Variants in LRSAM1 observed in about 807,000 individuals in gnomAD.
LRSAM1 encodes the protein leucine rich repeat and sterile alpha motif containing 1.
A neutral mutation model predicts 118.1 loss-of-function variants in LRSAM1; 96 were observed. The ratio of observed to expected loss-of-function variants is 0.81; its 90% CI spans 0.69 to 0.96. The LOEUF (loss-of-function observed/expected upper bound fraction) is 0.96, where lower values mean the gene tolerates loss of function less well. LRSAM1 is among the 40% of genes least tolerant of loss of function. LRSAM1 has a pLI of 0.00. For missense variants in LRSAM1, 804 were observed against 915.5 expected (o/e 0.88, Z 1.57); for synonymous variants, 322 against 364.2 (o/e 0.88, Z 1.32).
At chr9:127,487,887 C>A in intron 18 of LRSAM1, 124 bp downstream of exon 18, 8 of 708,672 alleles carry the variant, frequency 1.1e-5, no homozygotes, top group Non-Finnish European at 1.6e-5. Context: ...GGTTTGTGAC[C>A]ATAGAGGTGT....
chr9:127,467,644 A>C, intron 9 of LRSAM1, 96 bp from the exon 10 acceptor site: 15 of 1,143,796 alleles, frequency 1.3e-5, no homozygotes, highest in Non-Finnish European at 1.9e-5. Context: ...CCTGCTGGGT[A>C]GAGGTGACAG....
intron 9 of LRSAM1, among the ~76,000 whole-genome samples, chr9:127,466,499 TATATA>T (rs1226374630): frequency 0.04 from 908 of 22,760 alleles, 9 homozygotes; most frequent in African/African-American, 0.062. Flanking sequence ...TATATATATA[TATATA>T]TTTTTTTTTT....
At position 127,496,046 on chromosome 9, in the gene LRSAM1, G is replaced by A. The variant is rs537838691; in HGVS notation, c.1781G>A (p.Arg594His). 44 of 1,612,268 alleles carry A rather than the reference G, an allele frequency of 2.7e-5. No individual in the cohort carries two copies. The highest frequency in any genetic ancestry group is 1.0e-4 in the Admixed American group (6 of 60,018). Reference sequence around the variant, plus strand: ...TACCTGCCCATCTTTGCGCACCACCGCCTCTCACTGGACCTGCTGAGCCAA... The same window carrying A: ...TACCTGCCCATCTTTGCGCACCACCACCTCTCACTGGACCTGCTGAGCCAA... The part of the protein sequence containing the change: ...EHYLPIFAHH[R>H]LSLDLLSQMS... Residue 594 changes from arginine to histidine, a missense_variant, in exon 23 of 26, where the codon CGC (arginine) becomes CAC (histidine). Physicochemically the swap from Arg to His is conservative, Grantham distance 29. Coordinates refer to ENST00000300417, the MANE Select transcript of LRSAM1 (RefSeq NM_001005373.4).
At chr9:127,492,962 T>A (rs187576746) in intron 21 of LRSAM1, 65 bp downstream of exon 21, 1 of 1,367,048 alleles carries the variant, frequency 7.3e-7, no homozygotes, top group African/African-American at 1.4e-5. Context: ...AGACTTGCCA[T>A]TTTTAGAAAC....
In LRSAM1 at chr9:127,467,802, T is replaced by C. The variant is rs1835016338; in HGVS notation, c.591T>C (p.Thr197=). 6.2e-7 allele frequency: 1 copy of C among 1,606,554 alleles called. No homozygotes were observed. The highest frequency in any genetic ancestry group is 2.2e-5 in the East Asian group (1 of 44,696). The change falls in exon 10 of 26, where the codon ACT becomes ACC. Residue 197 remains threonine, a synonymous_variant. Coordinates refer to ENST00000300417, the MANE Select transcript of LRSAM1 (RefSeq NM_001005373.4). ...CGCGGGAGGTGTGTGGTGCCGGCACTGCGGCCATCTTGCAGTTCCTCTGCA... is the reference window on the plus strand; with the variant it reads ...CGCGGGAGGTGTGTGGTGCCGGCACCGCGGCCATCTTGCAGTTCCTCTGCA... ...YPPREVCGAG[T]AAILQFLCKE...
chr9:127,479,728 A>C, intron 13 of LRSAM1, 111 bp from the exon 14 acceptor site: 1 of 1,478,684 alleles, frequency 6.8e-7, no homozygotes, highest in Non-Finnish European at 9.2e-7. Context: ...GAGGTCACAC[A>C]AAAAGGATTG....
Position 127,481,158 on chromosome 9 carries a change from G to A in LRSAM1, c.1044-25G>A, listed in dbSNP as rs376813315. The A allele has an allele frequency of 2.9e-5, 47 of 1,613,850 alleles. No homozygotes were observed. In the African/African-American group the frequency reaches 4.5e-4, roughly 16 times the overall value. The stretch of plus-strand genomic sequence containing the variant: ...GAAACAGGCCTGCTGGTGACTGCCA[G>A]GACCTTTTATGATTTTCTCCACAGA... On this transcript the variant is annotated intron_variant, in intron 14 of 25. Coordinates refer to ENST00000300417, the MANE Select transcript of LRSAM1 (RefSeq NM_001005373.4).
At chr9:127,466,580 T>G (rs1834960912) in intron 9 of LRSAM1, among the ~76,000 whole-genome samples, 1 of 137,952 alleles carries the variant, frequency 7.2e-6, no homozygotes, top group Non-Finnish European at 1.5e-5. Context: ...CTCGAACTCC[T>G]GGGCTGAAGT....
At chr9:127,497,657 G>C (rs1359549564) in intron 24 of LRSAM1, among the ~76,000 whole-genome samples, 5 of 152,240 alleles carry the variant, frequency 3.3e-5, no homozygotes, top group Admixed American at 6.5e-5. Context: ...TTGGACTAGA[G>C]GGAGAAATAG....
intron 1 of LRSAM1, 115 bp downstream of exon 1, chr9:127,451,784 CTTG>C (rs749626964): frequency 3.7e-4 from 64 of 174,056 alleles, no homozygotes; most frequent in Non-Finnish European, 6.5e-4. Flanking sequence ...CCCTCGAGCA[CTTG>C]TTGTGTGCAC....
intron 10 of LRSAM1, 87 bp from the exon 11 acceptor site, chr9:127,473,714 C>A: frequency 6.3e-7 from 1 of 1,592,440 alleles, no homozygotes; most frequent in Admixed American, 1.7e-5. Flanking sequence ...CAGGGTGGGG[C>A]CGGCTGCCCT....
intron 2 of LRSAM1, chr9:127,454,153 T>G (rs957348686): frequency 5.5e-6 from 2 of 362,526 alleles, no homozygotes; most frequent in Admixed American, 8.2e-5. Flanking sequence ...TGGAACTCAC[T>G]AGAAAGACGC....
chr9:127,487,855 A>G, intron 18 of LRSAM1, 92 bp downstream of exon 18: 1 of 1,080,728 alleles, frequency 9.3e-7, no homozygotes, highest in African/African-American at 1.6e-5. Flanking sequence ...AGCCCTTCCT[A>G]GACAGCATGT....
intron 14 of LRSAM1, among the ~76,000 whole-genome samples, chr9:127,480,614 G>A (rs1366949779): frequency 6.6e-6 from 1 of 152,220 alleles, no homozygotes; most frequent in Non-Finnish European, 1.5e-5. Flanking sequence ...TTTGTTGGAT[G>A]CTTCTTATGT....
intron 22 of LRSAM1, 79 bp downstream of exon 22, chr9:127,495,497 G>A (rs2132110796): frequency 8.5e-7 from 1 of 1,176,824 alleles, no homozygotes; most frequent in South Asian, 1.2e-5. Flanking sequence ...CCTCCACCAT[G>A]CTCTGCCTCT....
In LRSAM1 at chr9:127,495,457, G is replaced by A. The variant is rs375244765; in HGVS notation, c.1698+39G>A. ...GTGCCTGTCCCGGCCAGGGAGCCCT[G>A]GGGACCTCCTCCCAGAGGCGCCTGT... is the stretch of plus-strand genomic sequence containing the variant. On this transcript the variant is annotated intron_variant, in intron 22 of 25. Transcript: ENST00000300417. The A allele has an allele frequency of 5.3e-5, 84 of 1,582,306 alleles. No homozygotes were observed. In the African/African-American group the frequency reaches 1.0e-3, roughly 20 times the overall value.
chr9:127,462,236 A>G lies in LRSAM1; in HGVS notation c.407-16A>G, dbSNP rs1318288516. The G allele has an allele frequency of 1.2e-6, 2 of 1,613,798 alleles. No homozygotes were observed. Among genetic ancestry groups the G allele is most frequent in the Non-Finnish European group, 1.7e-6 (2 of 1,179,828 alleles). ...GGGATTTGGGGTGTTGAGCTGTGCT[A>G]TTGGGGTCTCTGCAGACAACAAGCT... On this transcript the variant is annotated splice_polypyrimidine_tract_variant and intron_variant, in intron 8 of 25. Transcript: ENST00000300417.
intron 25 of LRSAM1, among the ~76,000 whole-genome samples, chr9:127,502,150 C>A (rs1030638928): frequency 6.6e-6 from 1 of 152,236 alleles, no homozygotes; most frequent in Non-Finnish European, 1.5e-5. Context: ...CGGCAGGGGC[C>A]GGCGGAATAG....
chr9:127,490,506 C>T (rs1239827241), intron 19 of LRSAM1, among the ~76,000 whole-genome samples: 1 of 152,040 alleles, frequency 6.6e-6, no homozygotes, highest in African/African-American at 2.4e-5. Flanking sequence ...TGAGGGCCCC[C>T]CACATTCTCA....
Sources: gnomAD v4.1 joint callset for allele counts (sites outside exome capture counted in the v4.1 genomes callset) on GRCh38, gnomAD v4.1.1 for gene constraint, MANE v1.5 for transcripts, NCBI Gene and HGNC (gene_info 2026-07-23, HGNC 2026-07-21) for gene names.